Variants in AFG2A observed in about 807,000 individuals in gnomAD.
AFG2A encodes AAA ATPase AFG2A.
the AFG2A span, among the ~76,000 whole-genome samples, chr4:122,990,695 C>A: frequency 5.3e-5 from 8 of 152,172 alleles, no homozygotes; most frequent in Non-Finnish European, 2.9e-5. Flanking sequence ...CTCAAACGAT[C>A]CTCCTGACTC....
the AFG2A span, among the ~76,000 whole-genome samples, chr4:123,276,681 G>A: frequency 6.6e-6 from 1 of 152,146 alleles, no homozygotes; most frequent in Admixed American, 6.6e-5. Flanking sequence ...AAGGGGTCTA[G>A]TTTCAATCTT....
the AFG2A span, among the ~76,000 whole-genome samples, chr4:123,123,620 T>C: frequency 2.9e-3 from 443 of 151,282 alleles, 2 homozygotes; most frequent in Non-Finnish European, 4.8e-3. Flanking sequence ...CAATGAGATA[T>C]CATCTCACAC....
the AFG2A span, among the ~76,000 whole-genome samples, chr4:122,930,202 T>G: frequency 1.3e-5 from 2 of 152,232 alleles, no homozygotes; most frequent in African/African-American, 2.4e-5. Flanking sequence ...CACAGGGTAA[T>G]TGTTTGAATC....
chr4:123,077,193 G>A, the AFG2A span, among the ~76,000 whole-genome samples: 2 of 151,798 alleles, frequency 1.3e-5, no homozygotes, highest in Admixed American at 6.6e-5. Flanking sequence ...GGCTACAGGC[G>A]TATGCCACCA....
At chr4:123,248,299 A>G in the AFG2A span, among the ~76,000 whole-genome samples, 2 of 152,178 alleles carry the variant, frequency 1.3e-5, no homozygotes, top group Non-Finnish European at 2.9e-5. Flanking sequence ...GCTCTCATGG[A>G]TTTTACATAC....
the AFG2A span, among the ~76,000 whole-genome samples, chr4:122,965,974 AG>A: frequency 6.6e-6 from 1 of 152,160 alleles, no homozygotes; most frequent in African/African-American, 2.4e-5. Flanking sequence ...GATGGCCAAA[AG>A]GGCTAAGTCT....
At chr4:123,227,859 G>C in the AFG2A span, among the ~76,000 whole-genome samples, 1 of 152,044 alleles carries the variant, frequency 6.6e-6, no homozygotes, top group South Asian at 2.1e-4. Context: ...TCTCTTTGTA[G>C]GTCCCTAAGG....
At chr4:123,284,230 G>A in the AFG2A span, among the ~76,000 whole-genome samples, 1 of 152,132 alleles carries the variant, frequency 6.6e-6, no homozygotes, top group Non-Finnish European at 1.5e-5. Flanking sequence ...AAAGTTTTGT[G>A]TTAGTATGTG....
chr4:122,961,198 T>G, the AFG2A span, among the ~76,000 whole-genome samples: 3 of 152,242 alleles, frequency 2.0e-5, no homozygotes, highest in Non-Finnish European at 4.4e-5. Flanking sequence ...TATAGGCCCT[T>G]GATAAGTGTC....
At chr4:123,077,412 T>C in the AFG2A span, among the ~76,000 whole-genome samples, 1 of 152,158 alleles carries the variant, frequency 6.6e-6, no homozygotes, top group Non-Finnish European at 1.5e-5. Flanking sequence ...AGTCAAGAAC[T>C]GTGAAAGATC....
chr4:122,952,539 T>C, the AFG2A span, among the ~76,000 whole-genome samples: 11 of 152,222 alleles, frequency 7.2e-5, no homozygotes, highest in Admixed American at 1.3e-4. Context: ...CTATCCATAA[T>C]GGCAGACTCA....
the AFG2A span, among the ~76,000 whole-genome samples, chr4:122,945,170 G>C: frequency 6.6e-6 from 1 of 152,218 alleles, no homozygotes; most frequent in African/African-American, 2.4e-5. Flanking sequence ...CTTCAAAGCT[G>C]TCAGACAGGG....
chr4:123,076,476 C>T, the AFG2A span, among the ~76,000 whole-genome samples: 3 of 151,578 alleles, frequency 2.0e-5, no homozygotes, highest in African/African-American at 7.3e-5. Context: ...AACATTCATC[C>T]TAGGGTTTAA....
chr4:123,091,173 C>T, the AFG2A span, among the ~76,000 whole-genome samples: 331 of 152,292 alleles, frequency 2.2e-3, 1 homozygote, highest in African/African-American at 6.9e-3. Flanking sequence ...CTGTTCCAGC[C>T]GGTCCCTCCC....
chr4:123,266,440 A>T, the AFG2A span, among the ~76,000 whole-genome samples: 6 of 151,968 alleles, frequency 3.9e-5, no homozygotes, highest in African/African-American at 1.4e-4. Flanking sequence ...ATTTAATTTG[A>T]TATCTAGTTT....
chr4:122,988,409 T>C, the AFG2A span, among the ~76,000 whole-genome samples: 1 of 150,680 alleles, frequency 6.6e-6, no homozygotes, highest in Non-Finnish European at 1.5e-5. Flanking sequence ...TTCTTTTTTT[T>C]TTTTTTTTGA....
At chr4:123,178,085 A>G in the AFG2A span, among the ~76,000 whole-genome samples, 1 of 152,260 alleles carries the variant, frequency 6.6e-6, no homozygotes, top group Non-Finnish European at 1.5e-5. Flanking sequence ...AGGAAATACA[A>G]GACTCTTTCT....
At chr4:123,041,888 G>A in the AFG2A span, among the ~76,000 whole-genome samples, 1 of 152,240 alleles carries the variant, frequency 6.6e-6, no homozygotes, top group South Asian at 2.1e-4. Flanking sequence ...CAGGCAGAAA[G>A]ATAAAACTAC....
the AFG2A span, among the ~76,000 whole-genome samples, chr4:123,274,037 C>G: frequency 6.6e-6 from 1 of 152,034 alleles, no homozygotes; most frequent in African/African-American, 2.4e-5. Context: ...GTAGCTTTTT[C>G]TTATTTTCTG....
Sources: allele counts gnomAD v4.1 joint callset (sites outside exome capture counted in the v4.1 genomes callset), GRCh38; gene constraint gnomAD v4.1.1; transcripts MANE v1.5; gene names NCBI Gene and HGNC (gene_info 2026-07-23, HGNC 2026-07-21).